Variants in BNC2 observed in about 807,000 individuals in gnomAD.
BNC2 encodes zinc finger protein basonuclin-2.
In BNC2, 20 loss-of-function variants were observed where a neutral mutation model predicts 76.3. The observed-to-expected ratio is 0.26, with a 90% CI of 0.18 to 0.38. The LOEUF is 0.38. BNC2 is among the 10% of genes least tolerant of loss of function. BNC2 has a pLI of 1.00. For synonymous variants in BNC2, 582 were observed against 514.8 expected, an observed-to-expected ratio of 1.13 and a Z score of -1.77; for missense variants, 1,382 against 1,399.8, an observed-to-expected ratio of 0.99 and a Z score of 0.20.
intron 1 of BNC2, chr9:16,832,229 C>T: frequency 8.3e-7 from 1 of 1,209,862 alleles, no homozygotes; most frequent in Non-Finnish European, 1.1e-6. Flanking sequence ...GAAACTATTA[C>T]ATGTAGTTAA....
chr9:16,588,679 G>A (rs1353936311), intron 3 of BNC2, among the ~76,000 whole-genome samples: 1 of 152,168 alleles, frequency 6.6e-6, no homozygotes, highest in Non-Finnish European at 1.5e-5. Flanking sequence ...TTTTATATCT[G>A]AATATTAAAT....
intron 4 of BNC2, among the ~76,000 whole-genome samples, chr9:16,555,501 G>C (rs1023816151): frequency 6.6e-6 from 1 of 151,958 alleles, no homozygotes. Flanking sequence ...CCATATGTTA[G>C]TAAGTATGAA....
intron 4 of BNC2, among the ~76,000 whole-genome samples, chr9:16,561,290 T>G (rs1819006734): frequency 6.6e-6 from 1 of 150,748 alleles, no homozygotes; most frequent in Admixed American, 6.6e-5. Flanking sequence ...CAGATGATCA[T>G]GACACATATG....
Position 16,648,076 on chromosome 9 carries a change from T to C in BNC2, c.331-64991A>G, listed in dbSNP as rs560634402. On this transcript the variant is annotated intron_variant, in intron 3 of 6. Transcript: ENST00000380672. ...AGTCACCAATGTACGCAATAAAATA[T>C]GTGTGTGTGTGTGTTTAAAAAAAGA... is the stretch of plus-strand genomic sequence containing the variant. Among the ~76,000 whole-genome samples, 3 of 151,878 alleles carry C rather than the reference T, an allele frequency of 2.0e-5. No individual in the cohort carries two copies. The East Asian group carries it at 5.8e-4, about 29-fold the overall frequency.
rs1204303485 is a variant in BNC2, at chr9:16,512,973, A to C, written c.669+39557T>G. On this transcript the variant is annotated intron_variant, in intron 5 of 6. Coordinates refer to ENST00000380672, the MANE Select transcript of BNC2 (RefSeq NM_017637.6). ...CAACATGGTGAAACCCGTCTCCACT[A>C]AAAATAGAAAAATTAGCTGGGTATT... Among the ~76,000 whole-genome samples, 4 of 152,040 alleles carry C rather than the reference A, an allele frequency of 2.6e-5. No individual in the cohort carries two copies. In the East Asian group the frequency reaches 7.8e-4, roughly 30 times the overall value.
intron 1 of BNC2, among the ~76,000 whole-genome samples, chr9:16,778,152 T>C (rs1826020317): frequency 6.6e-6 from 1 of 152,164 alleles, no homozygotes; most frequent in African/African-American, 2.4e-5. Context: ...TGAAAAACAA[T>C]GACTCTCATA....
At chr9:16,526,988 G>C (rs1183884067) in intron 5 of BNC2, among the ~76,000 whole-genome samples, 1 of 152,222 alleles carries the variant, frequency 6.6e-6, no homozygotes, top group East Asian at 1.9e-4. Context: ...TCCTGAAAAA[G>C]TGATGGCTAG....
At chr9:16,506,886 G>A (rs1822640738) in intron 5 of BNC2, among the ~76,000 whole-genome samples, 1 of 151,498 alleles carries the variant, frequency 6.6e-6, no homozygotes, top group African/African-American at 2.4e-5. Flanking sequence ...CGAGTAGCTA[G>A]GATTACAGGC....
chr9:16,805,591 G>C (rs1159401486), intron 1 of BNC2, among the ~76,000 whole-genome samples: 1 of 152,036 alleles, frequency 6.6e-6, no homozygotes, highest in Non-Finnish European at 1.5e-5. Context: ...GCCTCCCACA[G>C]TGCTGGGATT....
chr9:16,725,787 T>C (rs1824298734), intron 3 of BNC2, among the ~76,000 whole-genome samples: 2 of 152,286 alleles, frequency 1.3e-5, no homozygotes, highest in South Asian at 4.1e-4. Context: ...TATATTACTT[T>C]ATTTGTTTTT....
intron 5 of BNC2, among the ~76,000 whole-genome samples, chr9:16,497,408 G>C (rs1822412524): frequency 1.3e-5 from 2 of 152,174 alleles, no homozygotes; most frequent in Admixed American, 6.5e-5. Flanking sequence ...AGCAAAAGCA[G>C]AGACCATGCC....
chr9:16,810,870 G>C (rs1388020500), intron 1 of BNC2, among the ~76,000 whole-genome samples: 5 of 152,130 alleles, frequency 3.3e-5, no homozygotes, highest in Non-Finnish European at 7.4e-5. Flanking sequence ...AGAACTCTGA[G>C]CTGTCATATG....
At chr9:16,488,200 A>G (rs1243020625) in intron 5 of BNC2, among the ~76,000 whole-genome samples, 2 of 152,106 alleles carry the variant, frequency 1.3e-5, no homozygotes, top group Non-Finnish European at 2.9e-5. Context: ...TGGGTTTCCA[A>G]TTTTCTATCA....
chr9:16,591,025 C>G (rs966646744), intron 3 of BNC2, among the ~76,000 whole-genome samples: 4 of 152,132 alleles, frequency 2.6e-5, no homozygotes, highest in Non-Finnish European at 5.9e-5. Context: ...GTATGATATG[C>G]TAAGACAGTA....
chr9:16,627,998 G>A (rs548927769), intron 3 of BNC2, among the ~76,000 whole-genome samples: 1 of 152,104 alleles, frequency 6.6e-6, no homozygotes, highest in African/African-American at 2.4e-5. Flanking sequence ...GCTAATAACG[G>A]GTTCAGGCCA....
intron 2 of BNC2, among the ~76,000 whole-genome samples, chr9:16,735,397 A>T (rs982223626): frequency 6.8e-6 from 1 of 147,512 alleles, no homozygotes; most frequent in African/African-American, 2.5e-5. Context: ...AAATGAATTT[A>T]AAAAAAAAAA....
At chr9:16,783,652 C>T (rs1290890316) in intron 1 of BNC2, among the ~76,000 whole-genome samples, 2 of 152,170 alleles carry the variant, frequency 1.3e-5, no homozygotes, top group African/African-American at 4.8e-5. Context: ...ATTGACTTAG[C>T]ACTTGATCAC....
chr9:16,586,150 C>A (rs964657244), intron 3 of BNC2, among the ~76,000 whole-genome samples: 1 of 151,968 alleles, frequency 6.6e-6, no homozygotes, highest in Non-Finnish European at 1.5e-5. Context: ...GTACCACATA[C>A]AGCTTGGTCT....
intron 5 of BNC2, among the ~76,000 whole-genome samples, chr9:16,460,750 C>T (rs1821561554): frequency 6.6e-6 from 1 of 151,988 alleles, no homozygotes; most frequent in South Asian, 2.1e-4. Context: ...GCCTCAGTTA[C>T]CCAGGTGTAA....
Sources: allele counts gnomAD v4.1 joint callset (sites outside exome capture counted in the v4.1 genomes callset), GRCh38; gene constraint gnomAD v4.1.1; transcripts MANE v1.5; gene names NCBI Gene and HGNC (gene_info 2026-07-23, HGNC 2026-07-21).